The following ANK2 variants were observed in gnomAD, a reference collection of about 807,000 sequenced individuals.
The protein encoded by ANK2 is ankyrin 2.
A neutral mutation model predicts 360.5 loss-of-function variants in ANK2; 83 were observed. That is an observed-to-expected ratio of 0.23 (90% confidence interval 0.19 to 0.28). The LOEUF (loss-of-function observed/expected upper bound fraction) is 0.28. Ranked by LOEUF, ANK2 falls within the 10% of genes least tolerant of loss-of-function variation. The pLI, the probability that ANK2 is intolerant of heterozygous loss-of-function variation, is 1.00. For synonymous variants in ANK2, 1,740 were observed against 1,759.5 expected (o/e 0.99, Z 0.28); for missense variants, 4,201 against 4,795.7 (o/e 0.88, Z 3.66).
At chr4:112,713,714 G>A in the ANK2 span, among the ~76,000 whole-genome samples, 2 of 151,880 alleles carry the variant, frequency 1.3e-5, no homozygotes, top group Non-Finnish European at 2.9e-5. Flanking sequence ...GGCGGATCAC[G>A]AGGTCAGGAG....
the ANK2 span, among the ~76,000 whole-genome samples, chr4:112,744,233 C>G: frequency 6.6e-6 from 1 of 152,102 alleles, no homozygotes; most frequent in Non-Finnish European, 1.5e-5. Context: ...GATAAAATAG[C>G]TCACATAGAT....
At chr4:113,271,777 A>C (rs2058641506) in intron 14 of ANK2, among the ~76,000 whole-genome samples, 1 of 152,236 alleles carries the variant, frequency 6.6e-6, no homozygotes, top group South Asian at 2.1e-4. Flanking sequence ...TCTATTCACC[A>C]GTCCAGAGCA....
intron 1 of ANK2, among the ~76,000 whole-genome samples, chr4:113,124,500 A>G (rs2095546686): frequency 6.6e-6 from 1 of 152,096 alleles, no homozygotes; most frequent in Non-Finnish European, 1.5e-5. Flanking sequence ...TTGGTTGGTC[A>G]GTTGTTCTGT....
chr4:113,164,695 G>GT (rs1354833419), intron 1 of ANK2, among the ~76,000 whole-genome samples: 6 of 152,256 alleles, frequency 3.9e-5, no homozygotes, highest in Middle Eastern at 3.4e-3. Flanking sequence ...TTGATGAAAG[G>GT]TTTTTTTCAC....
intron 2 of ANK2, among the ~76,000 whole-genome samples, chr4:112,913,517 T>C (rs1020655765): frequency 5.3e-5 from 8 of 152,258 alleles, no homozygotes; most frequent in Non-Finnish European, 1.2e-4. Context: ...TGATCAGGAT[T>C]AATTTTTGAA....
chr4:113,205,235 C>CAAAAAAA (rs369993364), intron 4 of ANK2, among the ~76,000 whole-genome samples: 2 of 64,026 alleles, frequency 3.1e-5, no homozygotes, highest in African/African-American at 6.7e-5. Flanking sequence ...GACTCCGTCT[C>CAAAAAAA]AAAAAAAAAA....
chr4:113,335,569 A>G (rs2093412507), intron 29 of ANK2, among the ~76,000 whole-genome samples: 1 of 152,186 alleles, frequency 6.6e-6, no homozygotes, highest in Non-Finnish European at 1.5e-5. Context: ...GCAATGCTGC[A>G]CCTAGAACTA....
chr4:113,192,582 T>C (rs1162953303), intron 2 of ANK2, among the ~76,000 whole-genome samples: 2 of 152,180 alleles, frequency 1.3e-5, no homozygotes, highest in Non-Finnish European at 2.9e-5. Flanking sequence ...GGAAATCAGA[T>C]AGATCTGAGT....
the ANK2 span, among the ~76,000 whole-genome samples, chr4:112,740,568 G>C: frequency 1.3e-5 from 2 of 152,062 alleles, no homozygotes; most frequent in Non-Finnish European, 2.9e-5. Flanking sequence ...GCTGGGTGTG[G>C]TGGCACACGC....
intron 2 of ANK2, among the ~76,000 whole-genome samples, chr4:112,959,031 G>A (rs1040262211): frequency 1.3e-5 from 2 of 152,006 alleles, no homozygotes; most frequent in Non-Finnish European, 2.9e-5. Context: ...TGTATTTTTA[G>A]TAGAGGCGGG....
the ANK2 span, among the ~76,000 whole-genome samples, chr4:112,735,520 C>A: frequency 1.3e-5 from 2 of 152,130 alleles, no homozygotes; most frequent in African/African-American, 4.8e-5. Context: ...TACCTGTCAA[C>A]ATTCATCATC....
At chr4:113,309,544 G>C (rs2078856499) in intron 23 of ANK2, among the ~76,000 whole-genome samples, 1 of 151,972 alleles carries the variant, frequency 6.6e-6, no homozygotes, top group Non-Finnish European at 1.5e-5. Context: ...TTTGAGACAG[G>C]GTCTTACTCT....
intron 1 of ANK2, among the ~76,000 whole-genome samples, chr4:112,884,189 G>A (rs1293543284): frequency 2.0e-5 from 3 of 152,032 alleles, no homozygotes; most frequent in Non-Finnish European, 4.4e-5. Context: ...CTGTAGTTTT[G>A]TTATCCCCAA....
intron 1 of ANK2, among the ~76,000 whole-genome samples, chr4:113,076,569 G>A (rs1204584118): frequency 6.6e-6 from 1 of 152,152 alleles, no homozygotes; most frequent in African/African-American, 2.4e-5. Flanking sequence ...GCTGAGGTGA[G>A]AGGATTACTT....
chr4:113,237,249 G>C (rs1049945999), intron 6 of ANK2, 77 bp downstream of exon 6: 1 of 1,504,130 alleles, frequency 6.6e-7, no homozygotes, highest in Admixed American at 1.7e-5. Context: ...TAAAGAAGTA[G>C]GCCATGGTGA....
chr4:113,253,487 A>G (rs1385819269), intron 10 of ANK2, among the ~76,000 whole-genome samples: 2 of 152,158 alleles, frequency 1.3e-5, no homozygotes, highest in African/African-American at 2.4e-5. Flanking sequence ...CAAATTTAGT[A>G]AGCTCAAAAT....
chr4:113,160,320 C>T, intron 1 of ANK2: 1 of 416,236 alleles, frequency 2.4e-6, no homozygotes, highest in Non-Finnish European at 4.7e-6. Context: ...CTTGCTTCAG[C>T]CTCTCAAAGT....
chr4:113,366,391 C>CTTTTTTTTTTT (rs58588518), intron 41 of ANK2, among the ~76,000 whole-genome samples: 3 of 108,370 alleles, frequency 2.8e-5, no homozygotes, highest in African/African-American at 8.9e-5. Flanking sequence ...TTCTTGCTTC[C>CTTTTTTTTTTT]TTTTTTTTTT....
intron 1 of ANK2, among the ~76,000 whole-genome samples, chr4:113,064,318 A>G (rs1447353806): frequency 6.6e-6 from 1 of 152,166 alleles, no homozygotes; most frequent in African/African-American, 2.4e-5. Flanking sequence ...AGCTCTCCCA[A>G]GAGCACTCTG....
Sources: gnomAD v4.1 joint callset for allele counts (sites outside exome capture counted in the v4.1 genomes callset) on GRCh38, gnomAD v4.1.1 for gene constraint, MANE v1.5 for transcripts, NCBI Gene and HGNC (gene_info 2026-07-23, HGNC 2026-07-21) for gene names.